Variants in NUAK1 observed in about 807,000 individuals in gnomAD.
NUAK1 encodes NUAK family SNF1-like kinase 1.
Under a neutral mutation model 56.9 loss-of-function variants are expected in NUAK1, and 26 were observed. The ratio of observed to expected loss-of-function variants is 0.46; its 90% CI spans 0.33 to 0.63. The LOEUF (loss-of-function observed/expected upper bound fraction) is 0.63, where lower values mean the gene tolerates loss of function less well. Ranked by LOEUF, NUAK1 falls within the 30% of genes least tolerant of loss-of-function variation. The probability of loss-of-function intolerance (pLI) is 0.02; values close to 1 mark genes in which losing one functional copy is unlikely to be tolerated. For synonymous variants in NUAK1, 337 were observed against 336.0 expected (o/e 1.00, Z -0.03); for missense variants, 727 against 876.1 (o/e 0.83, Z 2.15).
At chr12:106,117,835 A>G (rs1048297837) in intron 1 of NUAK1, among the ~76,000 whole-genome samples, 2 of 152,202 alleles carry the variant, frequency 1.3e-5, no homozygotes, top group African/African-American at 4.8e-5. Flanking sequence ...TTCATTGTCA[A>G]TGCCCCAGAC....
intron 1 of NUAK1, among the ~76,000 whole-genome samples, chr12:106,122,233 G>A (rs960485444): frequency 4.6e-5 from 7 of 152,168 alleles, no homozygotes; most frequent in African/African-American, 1.4e-4. Flanking sequence ...CTGGAACTTT[G>A]ATTCCAAGCA....
intron 1 of NUAK1, among the ~76,000 whole-genome samples, chr12:106,112,308 T>G (rs2032868081): frequency 6.6e-6 from 1 of 151,620 alleles, no homozygotes; most frequent in Admixed American, 6.6e-5. Flanking sequence ...AGGGGATCTC[T>G]CCTTACCTAG....
chr12:106,127,836 C>T (rs1413836409), intron 1 of NUAK1, among the ~76,000 whole-genome samples: 1 of 152,116 alleles, frequency 6.6e-6, no homozygotes, highest in Non-Finnish European at 1.5e-5. Flanking sequence ...AGCAAGTGTG[C>T]TCGACACAGC....
chr12:106,118,073 G>A (rs1234992005), intron 1 of NUAK1, among the ~76,000 whole-genome samples: 1 of 152,218 alleles, frequency 6.6e-6, no homozygotes, highest in Non-Finnish European at 1.5e-5. Context: ...AAGTCGGGCA[G>A]TCTACCCAGA....
intron 1 of NUAK1, among the ~76,000 whole-genome samples, chr12:106,110,695 T>A (rs1389083715): frequency 6.6e-6 from 1 of 152,186 alleles, no homozygotes; most frequent in Non-Finnish European, 1.5e-5. Flanking sequence ...TACAGCCACA[T>A]TCATAAATGT....
chr12:106,097,195 GC>G (rs1565923049), intron 2 of NUAK1, among the ~76,000 whole-genome samples: 1 of 152,208 alleles, frequency 6.6e-6, no homozygotes, highest in Non-Finnish European at 1.5e-5. Context: ...GCCTCAGAGA[GC>G]TTAGTCACTA....
chr12:106,128,094 A>G (rs1339872656), intron 1 of NUAK1, among the ~76,000 whole-genome samples: 1 of 151,706 alleles, frequency 6.6e-6, no homozygotes, highest in Admixed American at 6.6e-5. Context: ...TGTTCTTTCA[A>G]ACCCAGGAAG....
intron 1 of NUAK1, among the ~76,000 whole-genome samples, chr12:106,125,728 A>G (rs892628590): frequency 1.3e-5 from 2 of 151,824 alleles, no homozygotes; most frequent in African/African-American, 2.4e-5. Context: ...ACGCCCACAC[A>G]CTCATTCATT....
chr12:106,130,284 G>A (rs769052541), intron 1 of NUAK1, among the ~76,000 whole-genome samples: 6 of 152,018 alleles, frequency 3.9e-5, no homozygotes, highest in Non-Finnish European at 5.9e-5. Context: ...GCCCAGCCTC[G>A]ACACCTCATT....
At chr12:106,109,794 G>A (rs1043218317) in intron 1 of NUAK1, among the ~76,000 whole-genome samples, 2 of 152,274 alleles carry the variant, frequency 1.3e-5, no homozygotes, top group Middle Eastern at 3.4e-3. Flanking sequence ...CTGCCTCATA[G>A]GTCCTGGTAA....
intron 2 of NUAK1, 25 bp downstream of exon 2, chr12:106,106,380 G>GT (rs35769739): frequency 6.5e-7 from 1 of 1,528,674 alleles, no homozygotes; most frequent in Non-Finnish European, 8.9e-7. Context: ...TGATATGGGG[G>GT]TTAAAAAAAA....
chr12:106,106,346 C>T, intron 2 of NUAK1, 59 bp downstream of exon 2: 9 of 1,480,992 alleles, frequency 6.1e-6, no homozygotes, highest in Middle Eastern at 1.8e-4. Flanking sequence ...TCTTGGCAGG[C>T]CCCATGGTAT....
chr12:106,109,947 C>T (rs1399695563), intron 1 of NUAK1, among the ~76,000 whole-genome samples: 3 of 152,238 alleles, frequency 2.0e-5, no homozygotes, highest in South Asian at 4.1e-4. Flanking sequence ...ACTTGAATTC[C>T]TCCTGGCTCC....
intron 1 of NUAK1, among the ~76,000 whole-genome samples, chr12:106,132,190 G>T (rs2033084337): frequency 6.6e-6 from 1 of 152,214 alleles, no homozygotes; most frequent in Non-Finnish European, 1.5e-5. Context: ...AAAAGGGTCT[G>T]CCTGTCTTTT....
chr12:106,080,040 A>C (rs1370861253), intron 4 of NUAK1, among the ~76,000 whole-genome samples: 2 of 152,220 alleles, frequency 1.3e-5, no homozygotes, highest in African/African-American at 2.4e-5. Context: ...GTATGCGTGG[A>C]TATATACACA....
At position 106,086,856 on chromosome 12, in the gene NUAK1, T is replaced by G; in HGVS notation, c.391A>C (p.Ile131Leu). 6.2e-7 allele frequency: 1 copy of G among 1,614,092 alleles called. No homozygotes were observed. Among genetic ancestry groups the G allele is most frequent in the Non-Finnish European group, 8.5e-7 (1 of 1,179,918 alleles). ...VFENKDKIVI[I>L]MEYASKGELY... Reference sequence around the variant, plus strand: ...TCCCCTTTGCTGGCATATTCCATGATGATCACAATCTTATCTTTGTTCTCA... The same window carrying G: ...TCCCCTTTGCTGGCATATTCCATGAGGATCACAATCTTATCTTTGTTCTCA... The change falls in exon 3 of 7, where the codon ATC (isoleucine) becomes CTC (leucine). Residue 131 changes from isoleucine to leucine, a missense_variant. Coordinates refer to ENST00000261402, the MANE Select transcript of NUAK1 (RefSeq NM_014840.3).
At chr12:106,121,698 C>T (rs997547114) in intron 1 of NUAK1, among the ~76,000 whole-genome samples, 3 of 151,664 alleles carry the variant, frequency 2.0e-5, no homozygotes, top group East Asian at 3.9e-4. Flanking sequence ...TACAGTGTGC[C>T]GAGACTGTGC....
intron 2 of NUAK1, among the ~76,000 whole-genome samples, chr12:106,089,277 G>A (rs2032609307): frequency 6.6e-6 from 1 of 152,220 alleles, no homozygotes; most frequent in African/African-American, 2.4e-5. Flanking sequence ...CGTCTTTAAG[G>A]GAGCCAAAGC....
intron 1 of NUAK1, among the ~76,000 whole-genome samples, chr12:106,134,586 G>A (rs1202886016): frequency 1.3e-5 from 2 of 152,192 alleles, no homozygotes; most frequent in Non-Finnish European, 2.9e-5. Flanking sequence ...AGATAACCTG[G>A]TACAGTGAGG....
Sources: allele counts gnomAD v4.1 joint callset (sites outside exome capture counted in the v4.1 genomes callset), GRCh38; gene constraint gnomAD v4.1.1; transcripts MANE v1.5; gene names NCBI Gene and HGNC (gene_info 2026-07-23, HGNC 2026-07-21).